Variants in XKR4 observed in about 807,000 individuals in gnomAD.
The protein encoded by XKR4 is XK-related protein 4.
Under a neutral mutation model 53.9 loss-of-function variants are expected in XKR4, and 12 were observed. That is an observed-to-expected ratio of 0.22 (90% CI 0.14 to 0.36). The LOEUF (loss-of-function observed/expected upper bound fraction) is 0.36, where lower values mean the gene tolerates loss of function less well. Ranked by LOEUF, XKR4 falls within the 10% of genes least tolerant of loss-of-function variation. The pLI is 1.00. For synonymous variants in XKR4, 354 were observed against 362.4 expected (o/e 0.98, Z 0.26); for missense variants, 799 against 859.5 (o/e 0.93, Z 0.88).
At chr8:55,412,819 A>T (rs1219761742) in intron 2 of XKR4, among the ~76,000 whole-genome samples, 1 of 152,236 alleles carries the variant, frequency 6.6e-6, no homozygotes, top group Admixed American at 6.5e-5. Flanking sequence ...AGTTGGCTAC[A>T]CCAAATGATT....
intron 2 of XKR4, among the ~76,000 whole-genome samples, chr8:55,489,870 A>C (rs1474705583): frequency 2.0e-5 from 3 of 152,164 alleles, no homozygotes; most frequent in Non-Finnish European, 4.4e-5. Context: ...ATCTATCTTC[A>C]AATCACTTTA....
chr8:55,267,035 C>A (rs1475525113), intron 1 of XKR4, among the ~76,000 whole-genome samples: 1 of 151,990 alleles, frequency 6.6e-6, no homozygotes, highest in Non-Finnish European at 1.5e-5. Flanking sequence ...ATTACTGGAA[C>A]AAGAAAGATG....
intron 1 of XKR4, among the ~76,000 whole-genome samples, chr8:55,290,135 T>TC (rs1818998401): frequency 6.6e-6 from 1 of 150,946 alleles, no homozygotes; most frequent in African/African-American, 2.4e-5. Context: ...ATTTAATTTT[T>TC]TTTTTTTTTT....
At position 55,102,926 on chromosome 8, in the gene XKR4, G is replaced by A. The variant is rs1329921310; in HGVS notation, c.438G>A (p.Gly146=). The change falls in exon 1 of 3, where the codon GGG becomes GGA. Residue 146 remains glycine, a synonymous_variant. Coordinates refer to ENST00000327381, the MANE Select transcript of XKR4 (RefSeq NM_052898.2). The surrounding 1 kb of genome is among the most constrained non-coding windows in gnomAD (Gnocchi z 5.1). ...TGCGCGGCCAGCGCTGGTGGTTCGG[G>A]CTCACGCTCTTCTTCGTGGTGCTCG... ...YYLRGQRWWF[G]LTLFFVVLGS... is the part of the protein sequence containing the mutation. 2 of 1,611,758 alleles carry A rather than the reference G, an allele frequency of 1.2e-6. No individual in the cohort carries two copies. Among genetic ancestry groups the A allele is most frequent in the Non-Finnish European group, 8.5e-7 (1 of 1,179,886 alleles).
chr8:55,375,202 A>G (rs548907719), intron 2 of XKR4, among the ~76,000 whole-genome samples: 6 of 152,326 alleles, frequency 3.9e-5, no homozygotes, highest in Non-Finnish European at 8.8e-5. Context: ...AATAATTTTA[A>G]AGATCTAAAT....
chr8:55,360,115 T>C (rs934873395), intron 2 of XKR4, among the ~76,000 whole-genome samples: 1 of 152,160 alleles, frequency 6.6e-6, no homozygotes, highest in Non-Finnish European at 1.5e-5. Flanking sequence ...TGCAAGTCAT[T>C]GAGTCAAGAG....
At chr8:55,216,713 GC>G (rs1326511057) in intron 1 of XKR4, among the ~76,000 whole-genome samples, 2 of 140,412 alleles carry the variant, frequency 1.4e-5, no homozygotes, top group Non-Finnish European at 1.5e-5. Context: ...GGTGATAAGA[GC>G]GAAATTGCAT....
At chr8:55,384,560 C>G (rs1804282941) in intron 2 of XKR4, among the ~76,000 whole-genome samples, 1 of 152,132 alleles carries the variant, frequency 6.6e-6, no homozygotes, top group African/African-American at 2.4e-5. Flanking sequence ...CAAGCAAGGA[C>G]TCTCCTTTTT....
rs73680424 is a variant in XKR4 at position 55,175,470 on chromosome 8, C to T, written c.806+72176C>T. The stretch of plus-strand genomic sequence containing the variant: ...TGAATGTTGACTAAATTTTTAAATG[C>T]CCAGTTTTATAATTGAATATTCCTG... On this transcript the variant is annotated intron_variant, in intron 1 of 2. Transcript: ENST00000327381. Among the ~76,000 whole-genome samples the T allele has an allele frequency of 2.0e-3, 304 of 152,284 alleles. 2 individuals carry two copies. Among genetic ancestry groups the T allele is most frequent in the African/African-American group, 7.0e-3 (289 of 41,562 alleles).
intron 1 of XKR4, among the ~76,000 whole-genome samples, chr8:55,317,194 A>C (rs1819490106): frequency 6.6e-6 from 1 of 152,352 alleles, no homozygotes; most frequent in South Asian, 2.1e-4. Context: ...ATAATCACTC[A>C]TGTGAAATAT....
At chr8:55,246,248 C>T (rs1818284736) in intron 1 of XKR4, among the ~76,000 whole-genome samples, 1 of 152,118 alleles carries the variant, frequency 6.6e-6, no homozygotes, top group South Asian at 2.1e-4. Context: ...GGACTTAGAG[C>T]AAAGTTGGTA....
chr8:55,495,094 G>A (rs57550725), intron 2 of XKR4, among the ~76,000 whole-genome samples: 7,968 of 152,238 alleles, frequency 0.052, 603 homozygotes, highest in East Asian at 0.28. Context: ...AGTCCAGAGC[G>A]GGCTGAGGTA....
At chr8:55,464,085 C>A (rs1363167119) in intron 2 of XKR4, among the ~76,000 whole-genome samples, 1 of 152,080 alleles carries the variant, frequency 6.6e-6, no homozygotes, top group Admixed American at 6.5e-5. Context: ...GAAACTATTC[C>A]AATCTATAGA....
chr8:55,312,147 G>A (rs546957636), intron 1 of XKR4, among the ~76,000 whole-genome samples: 1 of 150,626 alleles, frequency 6.6e-6, no homozygotes, highest in Non-Finnish European at 1.5e-5. Flanking sequence ...TTTTAGATGT[G>A]GATACAATGA....
intron 2 of XKR4, among the ~76,000 whole-genome samples, chr8:55,382,240 A>T (rs1018484043): frequency 1.3e-5 from 2 of 152,230 alleles, no homozygotes; most frequent in African/African-American, 4.8e-5. Flanking sequence ...ACAGGAATAG[A>T]GGTAATGAAT....
At chr8:55,247,864 T>TCTTTCTTTC (rs1440262405) in intron 1 of XKR4, among the ~76,000 whole-genome samples, 8 of 126,038 alleles carry the variant, frequency 6.3e-5, no homozygotes, top group Admixed American at 1.6e-4. Context: ...TCTTTTTTTT[T>TCTTTCTTTC]TTTTTTTTTT....
chr8:55,534,676 C>T lies in XKR4; in HGVS notation c.*10449C>T, dbSNP rs17364306. 0.36 allele frequency: 54,863 copies of T among 150,976 alleles called. 10,173 individuals carry two copies. The highest frequency in any genetic ancestry group is 0.56 in the East Asian group (2,889 of 5,160). 9.4% of individuals were successfully genotyped at this position (150,976 alleles called of 1,614,324 possible). A position where few individuals can be genotyped will look rare whatever the true frequency, so the allele number is the denominator to read the frequency against. On this transcript the variant is annotated 3_prime_UTR_variant, in exon 3 of 3. Transcript: ENST00000327381. ...AGGCGTGAGCCACCACACCCGGCCC[C>T]GATATTCTTAATGACTAAATTTTCA... is the stretch of plus-strand genomic sequence containing the variant.
At chr8:55,213,856 C>CTTTTTTTTTTTTT (rs11433893) in intron 1 of XKR4, among the ~76,000 whole-genome samples, 4 of 82,346 alleles carry the variant, frequency 4.9e-5, no homozygotes, top group African/African-American at 1.5e-4. Context: ...TTCTTTCTTT[C>CTTTTTTTTTTTTT]TTTTTTTTTT....
intron 1 of XKR4, among the ~76,000 whole-genome samples, chr8:55,158,445 G>C (rs1038922836): frequency 6.6e-6 from 1 of 152,102 alleles, no homozygotes; most frequent in Non-Finnish European, 1.5e-5. Flanking sequence ...CCATTCTATA[G>C]GTTGTCTGTT....
Sources: gnomAD v4.1 joint callset for allele counts (sites outside exome capture counted in the v4.1 genomes callset) on GRCh38, gnomAD v4.1.1 for gene constraint, Gnocchi (gnomAD v3.1) non-coding constraint, MANE v1.5 for transcripts, NCBI Gene and HGNC (gene_info 2026-07-23, HGNC 2026-07-21) for gene names.